NOS1AP: variants seen among roughly 807,000 people sequenced by gnomAD.
NOS1AP encodes carboxyl-terminal PDZ ligand of neuronal nitric oxide synthase protein.
Under a neutral mutation model 56.2 loss-of-function variants are expected in NOS1AP, and 21 were observed. That is an observed-to-expected ratio of 0.37 (90% CI 0.26 to 0.54). NOS1AP has a LOEUF of 0.54. Ranked by LOEUF, NOS1AP falls within the 20% of genes least tolerant of loss-of-function variation. The probability of loss-of-function intolerance (pLI) is 0.84; values close to 1 mark genes in which losing one functional copy is unlikely to be tolerated. For missense variants in NOS1AP, 522 were observed against 657.8 expected (o/e 0.79, Z 2.26); for synonymous variants, 270 against 274.6 (o/e 0.98, Z 0.17).
At chr1:162,345,149 T>C (rs1004841349) in intron 6 of NOS1AP, among the ~76,000 whole-genome samples, 14 of 137,968 alleles carry the variant, frequency 1.0e-4, no homozygotes, top group Admixed American at 3.0e-4. Context: ...TACAGATTTC[T>C]TTTCTTTTTT....
chr1:162,192,176 G>C (rs1466425149), intron 2 of NOS1AP, among the ~76,000 whole-genome samples: 1 of 152,162 alleles, frequency 6.6e-6, no homozygotes, highest in Non-Finnish European at 1.5e-5. Flanking sequence ...TGGGGGTGGG[G>C]CCCAGCAATC....
chr1:162,083,867 T>C (rs745951704), intron 1 of NOS1AP, among the ~76,000 whole-genome samples: 26 of 152,170 alleles, frequency 1.7e-4, no homozygotes, highest in Admixed American at 3.3e-4. Context: ...CACCATGTGA[T>C]TCTGATGAAC....
chr1:162,266,017 A>T (rs1275820409), intron 2 of NOS1AP, among the ~76,000 whole-genome samples: 2 of 152,324 alleles, frequency 1.3e-5, no homozygotes, highest in Non-Finnish European at 2.9e-5. Context: ...AGGAGAGATG[A>T]CAAAGGACAA....
intron 2 of NOS1AP, among the ~76,000 whole-genome samples, chr1:162,278,586 A>C (rs942577658): frequency 1.3e-5 from 2 of 151,522 alleles, no homozygotes; most frequent in African/African-American, 4.9e-5. Flanking sequence ...TCTCATACCC[A>C]CTTTTGGTCT....
chr1:162,249,106 G>GCA (rs1653767992), intron 2 of NOS1AP, among the ~76,000 whole-genome samples: 1 of 152,088 alleles, frequency 6.6e-6, no homozygotes, highest in Non-Finnish European at 1.5e-5. Context: ...GCTCTCCCGG[G>GCA]GTTTGGCCAC....
chr1:162,147,355 A>G (rs986589574), intron 1 of NOS1AP, among the ~76,000 whole-genome samples: 2 of 148,848 alleles, frequency 1.3e-5, no homozygotes, highest in Admixed American at 6.6e-5. Flanking sequence ...AAAAAAAAAG[A>G]TAAATACATT....
chr1:162,118,125 A>G (rs1278984053), intron 1 of NOS1AP, among the ~76,000 whole-genome samples: 2 of 152,250 alleles, frequency 1.3e-5, no homozygotes, highest in African/African-American at 4.8e-5. Context: ...TTTATAGATT[A>G]ACAAACACAT....
intron 1 of NOS1AP, among the ~76,000 whole-genome samples, chr1:162,083,490 C>G (rs1013488038): frequency 1.3e-5 from 2 of 152,122 alleles, no homozygotes; most frequent in Non-Finnish European, 2.9e-5. Context: ...ATCCTCCTGC[C>G]CTGGCCTCCC....
intron 9 of NOS1AP, among the ~76,000 whole-genome samples, chr1:162,366,615 C>T (rs1373945561): frequency 1.3e-5 from 2 of 152,114 alleles, no homozygotes; most frequent in Non-Finnish European, 2.9e-5. Context: ...GGATTGGAAA[C>T]CAGTGCCCTT....
intron 4 of NOS1AP, among the ~76,000 whole-genome samples, chr1:162,331,582 GTTGTAGACTCTCAATCC>G (rs1192594913): frequency 4.6e-5 from 7 of 152,202 alleles, no homozygotes; most frequent in Non-Finnish European, 8.8e-5. Context: ...CGTAGATGAA[GTTGTAGACTCTCAATCC>G]CATTCTCTTT....
At chr1:162,109,736 A>C (rs1647643459) in intron 1 of NOS1AP, among the ~76,000 whole-genome samples, 1 of 152,048 alleles carries the variant, frequency 6.6e-6, no homozygotes, top group Admixed American at 6.6e-5. Context: ...GTCTTTGTAC[A>C]TCCGAGATAA....
chr1:162,158,971 A>C (rs1038979798), intron 2 of NOS1AP, among the ~76,000 whole-genome samples: 1 of 152,174 alleles, frequency 6.6e-6, no homozygotes, highest in East Asian at 1.9e-4. Context: ...ACAATTCACA[A>C]AGTTTTCAGG....
Position 162,140,807 on chromosome 1 carries a change from C to T in NOS1AP, c.106-13598C>T, listed in dbSNP as rs533027919. Among the ~76,000 whole-genome samples the T allele has an allele frequency of 7.2e-5, 11 of 152,128 alleles. No homozygotes were observed. The East Asian group carries it at 9.7e-4, about 13-fold the overall frequency. On this transcript the variant is annotated intron_variant, in intron 1 of 9. Transcript: ENST00000361897. ...TTTTCTCCACAACCTGACCGACATCCGTAATTTTTTGACTTTTTAACAAAA... is the reference window on the plus strand; with the variant it reads ...TTTTCTCCACAACCTGACCGACATCTGTAATTTTTTGACTTTTTAACAAAA...
At chr1:162,361,038 T>C (rs1053072213) in intron 8 of NOS1AP, 6 of 397,330 alleles carry the variant, frequency 1.5e-5, no homozygotes, top group African/African-American at 8.4e-5. Context: ...GGCTGAACTT[T>C]TGTGTGTCAT....
intron 6 of NOS1AP, among the ~76,000 whole-genome samples, chr1:162,347,443 T>A (rs1230548606): frequency 6.6e-6 from 1 of 152,234 alleles, no homozygotes; most frequent in Non-Finnish European, 1.5e-5. Context: ...GTTTGAACAC[T>A]GTTATTATCA....
rs903980465 is a variant in NOS1AP at position 162,368,964 on chromosome 1, G to A, written c.*1497G>A. 6.6e-6 allele frequency: 1 copy of A among 152,110 alleles called. No individual in the cohort carries two copies. The allele number at this position is 152,110 out of a possible 1,614,324, so 9.4% of individuals were successfully genotyped here. On this transcript the variant is annotated 3_prime_UTR_variant, in exon 10 of 10. Coordinates refer to ENST00000361897, the MANE Select transcript of NOS1AP (RefSeq NM_014697.3). ...CAGTCCTCTTCTAATGGCCACAGTT[G>A]GTTTTCTTGTAGCCCAGAAAGTCCA...
At chr1:162,300,004 C>A (rs1052393174) in intron 3 of NOS1AP, among the ~76,000 whole-genome samples, 4 of 152,054 alleles carry the variant, frequency 2.6e-5, no homozygotes, top group Admixed American at 6.5e-5. Context: ...GCGCTTTCCC[C>A]CCTCTTGAGT....
At chr1:162,189,464 A>G (rs1283402233) in intron 2 of NOS1AP, among the ~76,000 whole-genome samples, 1 of 152,238 alleles carries the variant, frequency 6.6e-6, no homozygotes, top group Admixed American at 6.5e-5. Context: ...ATACAGAATC[A>G]GATTTCTCCT....
intron 3 of NOS1AP, among the ~76,000 whole-genome samples, chr1:162,295,035 A>G (rs887643501): frequency 1.3e-5 from 2 of 152,168 alleles, no homozygotes; most frequent in Non-Finnish European, 2.9e-5. Context: ...TCATAGTGGA[A>G]GGAGGTTGAA....
Sources: allele counts gnomAD v4.1 joint callset (sites outside exome capture counted in the v4.1 genomes callset), GRCh38; gene constraint gnomAD v4.1.1; transcripts MANE v1.5; gene names NCBI Gene and HGNC (gene_info 2026-07-23, HGNC 2026-07-21).